DMAP1: variants seen among roughly 807,000 people sequenced by gnomAD.
DMAP1 encodes DNA methyltransferase 1-associated protein 1.
Under a neutral mutation model 52.7 loss-of-function variants are expected in DMAP1, and 26 were observed. That is an observed-to-expected ratio of 0.49 (90% CI 0.36 to 0.68). The LOEUF (loss-of-function observed/expected upper bound fraction) is 0.68. Among genes scored for constraint, DMAP1 ranks in the 30% least tolerant of loss-of-function variants. The pLI is 0.00. For synonymous variants in DMAP1, 231 were observed against 246.0 expected, an observed-to-expected ratio of 0.94 and a Z score of 0.57; for missense variants, 439 against 625.2, an observed-to-expected ratio of 0.70 and a Z score of 3.18.
At chr1:44,214,562 G>A in intron 2 of DMAP1, 121 bp downstream of exon 2, 3 of 1,612,342 alleles carry the variant, frequency 1.9e-6, no homozygotes, top group Non-Finnish European at 2.5e-6. Flanking sequence ...TTGCTTAGCA[G>A]GATGCAGGAG....
chr1:44,220,281 T>C lies in DMAP1; in HGVS notation c.1316T>C (p.Val439Ala), dbSNP rs1304999773. ...GACCCCAAGGACACCATCATTGATG[T>C]GGTGGGCGCACCCCTCACGCCCAAT... ...GPDPKDTIID[V>A]VGAPLTPNSR... Residue 439 changes from valine (V) to alanine (A), a missense_variant, in exon 9 of 10, where the codon GTG becomes GCG. By Grantham distance (64) the Val-to-Ala change is moderately conservative (BLOSUM62 0). Transcript: ENST00000372289. 6.4e-7 allele frequency: 1 copy of C among 1,555,866 alleles called. No individual in the cohort carries two copies. Among genetic ancestry groups the C allele is most frequent in the Non-Finnish European group, 8.7e-7 (1 of 1,146,310 alleles).
chr1:44,220,442 G>A (rs1643880637), intron 9 of DMAP1, 117 bp from the exon 10 acceptor site: 2 of 1,585,460 alleles, frequency 1.3e-6, no homozygotes, highest in Non-Finnish European at 1.7e-6. Context: ...CTGAGACTGA[G>A]GGTAGGAGTG....
intron 6 of DMAP1, 44 bp from the exon 7 acceptor site, chr1:44,219,362 C>T (rs921066243): frequency 1.3e-6 from 2 of 1,548,324 alleles, no homozygotes; most frequent in Non-Finnish European, 1.7e-6. Flanking sequence ...ACCCTGGGCC[C>T]TCTCCCTGTG....
Position 44,213,606 on chromosome 1 carries a change from C to G in DMAP1, c.-148C>G. 1.5e-6 allele frequency: 1 copy of G among 662,974 alleles called. No homozygotes were observed. Among genetic ancestry groups the G allele is most frequent in the Non-Finnish European group, 2.6e-6 (1 of 384,318 alleles). 41.1% of individuals were successfully genotyped at this position (662,974 alleles called of 1,614,324 possible). ...CGGTGGGGCACAGGCAGATCCCCGA[C>G]CTGACCTGGACCACCCTTCTCCTCT... On this transcript the variant is annotated 5_prime_UTR_variant, in exon 1 of 10. Transcript: ENST00000372289. The surrounding 1 kb of genome is among the most constrained non-coding windows in gnomAD (Gnocchi z 4.5).
In DMAP1 at chr1:44,218,518, G is replaced by A; in HGVS notation, c.552+49G>A. 6.2e-7 allele frequency: 1 copy of A among 1,609,722 alleles called. No individual in the cohort carries two copies. Among genetic ancestry groups the A allele is most frequent in the Non-Finnish European group, 8.5e-7 (1 of 1,176,490 alleles). ...GGTGCCCAGCTTCTGGGTCTAGCAG[G>A]CCCTACTTTTATGCCATCTCTTCCA... On this transcript the variant is annotated intron_variant, in intron 4 of 9. Transcript: ENST00000372289. The surrounding 1 kb of genome is among the most constrained non-coding windows in gnomAD (Gnocchi z 5.6).
At position 44,213,548 on chromosome 1, in the gene DMAP1, A is replaced by C. The variant is rs1572023637; in HGVS notation, c.-206A>C. The stretch of plus-strand genomic sequence containing the variant: ...CCCAGGTGCGGAAGTGCGAGGGCCC[A>C]GGTGGCTGAAGGGGCCGTTAGGAAC... On this transcript the variant is annotated 5_prime_UTR_variant, in exon 1 of 10. Coordinates refer to ENST00000372289, the MANE Select transcript of DMAP1 (RefSeq NM_019100.5). This position sits in a 1 kb window ranked among gnomAD's most constrained non-coding sequence, Gnocchi z 4.5. The C allele has an allele frequency of 3.8e-6, 2 of 520,386 alleles. No individual in the cohort carries two copies. The highest frequency in any genetic ancestry group is 6.7e-5 in the East Asian group (2 of 30,022). The allele number at this position is 520,386 out of a possible 1,614,324, so 32.2% of individuals were successfully genotyped here.
intron 3 of DMAP1, 81 bp downstream of exon 3, chr1:44,214,979 G>T (rs1202280073): frequency 6.4e-7 from 1 of 1,556,018 alleles, no homozygotes; most frequent in Admixed American, 1.8e-5. Flanking sequence ...GTCTCCTAGG[G>T]TTGGTTCTGG....
intron 3 of DMAP1, chr1:44,215,637 C>T (rs539228213): frequency 4.1e-6 from 1 of 243,864 alleles, no homozygotes; most frequent in East Asian, 1.1e-4. Context: ...GGGAGTCCTA[C>T]CTTAGGTTGG....
intron 3 of DMAP1, chr1:44,216,747 T>C (rs1479644457): frequency 6.6e-6 from 1 of 152,238 alleles, no homozygotes; most frequent in African/African-American, 2.4e-5. Context: ...TTCTAGAAAC[T>C]GCTAGTCATT....
Position 44,218,403 on chromosome 1 carries a change from C to T in DMAP1, c.486C>T (p.Asp162=). The change falls in exon 4 of 10, where the codon GAC becomes GAT. Residue 162 remains aspartate (D), a synonymous_variant. Coordinates refer to ENST00000372289, the MANE Select transcript of DMAP1 (RefSeq NM_019100.5). The surrounding 1 kb of genome is among the most constrained non-coding windows in gnomAD (Gnocchi z 5.6). ...AGGCAGAAACTGACCACCTCTTTGA[C>T]CTCAGCCGCCGCTTTGACCTGCGTT... ...WTKAETDHLF[D]LSRRFDLRFV... is the part of the protein sequence containing the mutation. 6.2e-7 allele frequency: 1 copy of T among 1,614,262 alleles called. No individual in the cohort carries two copies. Among genetic ancestry groups the T allele is most frequent in the Non-Finnish European group, 8.5e-7 (1 of 1,180,052 alleles).
Position 44,219,402 on chromosome 1 carries a change from C to G in DMAP1, c.907-4C>G, listed in dbSNP as rs934652736. Reference sequence around the variant, plus strand: ...CTTGGTCTCCATAATGCCTTCTCCCCCAGGCTGTTCCTGAGACTGCAGGCA... The same window carrying G: ...CTTGGTCTCCATAATGCCTTCTCCCGCAGGCTGTTCCTGAGACTGCAGGCA... On this transcript the variant is annotated splice_polypyrimidine_tract_variant and splice_region_variant and intron_variant, in intron 6 of 9. Coordinates refer to ENST00000372289, the MANE Select transcript of DMAP1 (RefSeq NM_019100.5). 4 of 1,580,102 alleles carry G rather than the reference C, an allele frequency of 2.5e-6. No individual in the cohort carries two copies. The African/African-American group carries it at 4.1e-5, about 16-fold the overall frequency.
rs556929603 is a variant in DMAP1, at chr1:44,220,669, T to A, written c.*51T>A. On this transcript the variant is annotated 3_prime_UTR_variant, in exon 10 of 10. Coordinates refer to ENST00000372289, the MANE Select transcript of DMAP1 (RefSeq NM_019100.5). ...CTGTTATGTAAATAGAGCTGCTGAG[T>A]TGGACCAGGCTGCTTCCTTTTCCTT... The A allele has an allele frequency of 1.9e-6, 3 of 1,608,992 alleles. No individual in the cohort carries two copies. In the African/African-American group the frequency reaches 4.0e-5, roughly 22 times the overall value.
chr1:44,220,156 A>G lies in DMAP1; in HGVS notation c.1191A>G (p.Ala397=), dbSNP rs1000046346. The change falls in exon 9 of 10, where the codon GCA becomes GCG. Residue 397 remains alanine (A), a synonymous_variant. Coordinates refer to ENST00000372289, the MANE Select transcript of DMAP1 (RefSeq NM_019100.5). ...AGATGCTGCGGCACCGTCATGAGGC[A>G]CTGGCCCGGGCTGGTGTGCTAGGGG... The part of the protein sequence containing the change: ...ELQMLRHRHE[A]LARAGVLGGP... 3.1e-6 allele frequency: 5 copies of G among 1,612,256 alleles called. No homozygotes were observed. The highest frequency in any genetic ancestry group is 4.2e-6 in the Non-Finnish European group (5 of 1,178,878).
chr1:44,217,987 CAG>C (rs1412075483), intron 3 of DMAP1: 13 of 441,350 alleles, frequency 2.9e-5, no homozygotes, highest in Non-Finnish European at 5.1e-5. Flanking sequence ...TGTCCTACTC[CAG>C]AGTTGACCTT....
At position 44,219,459 on chromosome 1, in the gene DMAP1, C is replaced by T; in HGVS notation, c.960C>T (p.Val320=). The part of the protein sequence containing the change: ...IKFPDFKSAG[V]TLRSQRMKLP... Reference sequence around the variant, plus strand: ...TTCCAGACTTCAAGTCTGCAGGTGTCACGCTGCGGAGCCAACGGGTACGTG... The same window carrying T: ...TTCCAGACTTCAAGTCTGCAGGTGTTACGCTGCGGAGCCAACGGGTACGTG... The change falls in exon 7 of 10, where the codon GTC becomes GTT. Residue 320 remains valine (V), a synonymous_variant. Coordinates refer to ENST00000372289, the MANE Select transcript of DMAP1 (RefSeq NM_019100.5). The T allele has an allele frequency of 6.3e-7, 1 of 1,592,164 alleles. No individual in the cohort carries two copies. The highest frequency in any genetic ancestry group is 8.5e-7 in the Non-Finnish European group (1 of 1,171,384).
At chr1:44,215,084 C>T in intron 3 of DMAP1, 186 bp downstream of exon 3, 1 of 733,476 alleles carries the variant, frequency 1.4e-6, no homozygotes, top group South Asian at 1.5e-5. Context: ...CCAAGGGATC[C>T]TGTTCTTTCC....
Position 44,220,216 on chromosome 1 carries a change from C to T in DMAP1, c.1251C>T (p.Ala417=), listed in dbSNP as rs367929190. 3 of 1,592,646 alleles carry T rather than the reference C, an allele frequency of 1.9e-6. No individual in the cohort carries two copies. The highest frequency in any genetic ancestry group is 2.6e-6 in the Non-Finnish European group (3 of 1,164,138). ...PATPASGPGP[A]SAEPAVTEPG... is the part of the protein sequence containing the mutation. ...CACCAGCATCAGGCCCAGGCCCGGCCTCTGCTGAGCCGGCAGTGACTGAAC... is the reference window on the plus strand; with the variant it reads ...CACCAGCATCAGGCCCAGGCCCGGCTTCTGCTGAGCCGGCAGTGACTGAAC... Residue 417 remains alanine, a synonymous_variant, in exon 9 of 10, where the codon GCC becomes GCT. Coordinates refer to ENST00000372289, the MANE Select transcript of DMAP1 (RefSeq NM_019100.5).
intron 7 of DMAP1, 85 bp from the exon 8 acceptor site, chr1:44,219,721 C>T: frequency 6.6e-7 from 1 of 1,512,530 alleles, no homozygotes. Flanking sequence ...GTCTCTCTTC[C>T]ACCATCTTTC....
intron 7 of DMAP1, 45 bp from the exon 8 acceptor site, chr1:44,219,761 C>T: frequency 6.2e-7 from 1 of 1,609,108 alleles, no homozygotes; most frequent in South Asian, 1.1e-5. Context: ...TCATCCTAAG[C>T]CTCTTGTGGC....
Sources: gnomAD v4.1 joint callset for allele counts on GRCh38, gnomAD v4.1.1 for gene constraint, Gnocchi (gnomAD v3.1) non-coding constraint, MANE v1.5 for transcripts, NCBI Gene and HGNC (gene_info 2026-07-23, HGNC 2026-07-21) for gene names.